The following BICRA variants were observed in gnomAD, a reference collection of about 807,000 sequenced individuals.
The protein encoded by BICRA is BRD4 interacting chromatin remodeling complex associated protein.
A neutral mutation model predicts 96.9 loss-of-function variants in BICRA; 31 were observed. The observed-to-expected ratio is 0.32, with a 90% CI of 0.24 to 0.43. The LOEUF (loss-of-function observed/expected upper bound fraction) is 0.43, where lower values mean the gene tolerates loss of function less well. Ranked by LOEUF, BICRA falls within the 20% of genes least tolerant of loss-of-function variation. The pLI is 1.00. For synonymous variants in BICRA, 1,350 were observed against 1,071.8 expected, an observed-to-expected ratio of 1.26 and a Z score of -5.07; for missense variants, 2,283 against 2,190.3, an observed-to-expected ratio of 1.04 and a Z score of -0.84.
intron 1 of BICRA, among the ~76,000 whole-genome samples, chr19:47,647,898 G>A (rs997972053): frequency 2.8e-4 from 42 of 151,224 alleles, no homozygotes; most frequent in Admixed American, 2.3e-3. Flanking sequence ...TTCGCGGGGG[G>A]AGTGGGGGGC....
At chr19:47,660,745 T>G (rs1312227352) in intron 1 of BICRA, among the ~76,000 whole-genome samples, 2 of 152,152 alleles carry the variant, frequency 1.3e-5, no homozygotes, top group Non-Finnish European at 2.9e-5. Context: ...CAGGCTGGCA[T>G]CATCATGTAG....
chr19:47,614,691 C>CT (rs1380910701), intron 1 of BICRA, among the ~76,000 whole-genome samples: 3 of 152,294 alleles, frequency 2.0e-5, no homozygotes, highest in Admixed American at 6.5e-5. Flanking sequence ...CTATGCATTG[C>CT]TTTTTTTCCA....
chr19:47,702,363 A>T lies in BICRA; in HGVS notation c.4631A>T (p.Tyr1544Phe). The change falls in exon 15 of 15, where the codon TAC becomes TTC. Residue 1544 changes from tyrosine (Y) to phenylalanine (F), a missense_variant. Transcript: ENST00000594866. ...CCGCCCCTGCACAGGCCCGAGGCCT[A>T]CCCACCCTCCAGTCACAACGGTGGC... ...SPPPLHRPEA[Y>F]PPSSHNGGLG... 7.8e-6 allele frequency: 12 copies of T among 1,530,062 alleles called. No individual in the cohort carries two copies. The highest frequency in any genetic ancestry group is 1.0e-5 in the Non-Finnish European group (12 of 1,149,616). 94.8% of individuals were successfully genotyped at this position (1,530,062 alleles called of 1,614,324 possible).
In BICRA at chr19:47,694,236, G is replaced by A; in HGVS notation, c.2405G>A (p.Arg802His). 9 of 586,520 alleles carry A rather than the reference G, an allele frequency of 1.5e-5. No individual in the cohort carries two copies. The highest frequency in any genetic ancestry group is 8.7e-5 in the South Asian group (2 of 23,070). 36.3% of individuals were successfully genotyped at this position (586,520 alleles called of 1,614,324 possible). Residue 802 changes from arginine to histidine, a missense_variant, in exon 8 of 15, where the codon CGC becomes CAC. Physicochemically the swap from Arg to His is conservative, Grantham distance 29. Coordinates refer to ENST00000594866, the MANE Select transcript of BICRA (RefSeq NM_001394372.1). ...PSPHPTRPPSRPPSRPQSVSR... is the reference protein window; with the variant it reads ...PSPHPTRPPSHPPSRPQSVSR... ...CCACACCCCACCCGGCCCCCTTCCCGCCCACCCTCCCGGCCACAGAGTGTG... is the reference window on the plus strand; with the variant it reads ...CCACACCCCACCCGGCCCCCTTCCCACCCACCCTCCCGGCCACAGAGTGTG...
At chr19:47,662,394 G>T (rs1043749069) in intron 1 of BICRA, 5 of 152,420 alleles carry the variant, frequency 3.3e-5, no homozygotes, top group African/African-American at 1.2e-4. Flanking sequence ...ACACACCATC[G>T]GCCAGGCTCC....
At chr19:47,674,306 C>CA in intron 4 of BICRA, among the ~76,000 whole-genome samples, 1 of 86,844 alleles carries the variant, frequency 1.2e-5, no homozygotes, top group Admixed American at 1.3e-4. Flanking sequence ...AGGTAAAAGT[C>CA]ACCAGGTTGT....
chr19:47,695,849 G>A (rs779097215), intron 10 of BICRA, among the ~76,000 whole-genome samples: 2 of 152,114 alleles, frequency 1.3e-5, no homozygotes, highest in Non-Finnish European at 2.9e-5. Flanking sequence ...GACCGGAGAC[G>A]GAGCAGATCA....
Position 47,698,747 on chromosome 19 carries a change from A to G in BICRA, c.3362A>G (p.Gln1121Arg). The change falls in exon 12 of 15, where the codon CAG becomes CGG. Residue 1121 changes from glutamine (Q) to arginine (R), a missense_variant. By Grantham distance (43) the Gln-to-Arg change is conservative. Coordinates refer to ENST00000594866, the MANE Select transcript of BICRA (RefSeq NM_001394372.1). This position sits in a 1 kb window ranked among gnomAD's most constrained non-coding sequence, Gnocchi z 4.8. ...LHRLLPYHVY[Q>R]GALPSPSDYH... Reference sequence around the variant, plus strand: ...CGCCTCCTGCCCTACCATGTCTACCAGGGCGCCCTCCCCTCCCCCAGTGAC... The same window carrying G: ...CGCCTCCTGCCCTACCATGTCTACCGGGGCGCCCTCCCCTCCCCCAGTGAC... 3.1e-6 allele frequency: 5 copies of G among 1,610,840 alleles called. No homozygotes were observed. Among genetic ancestry groups the G allele is most frequent in the Non-Finnish European group, 4.2e-6 (5 of 1,178,034 alleles).
chr19:47,640,427 G>T (rs10415037), intron 1 of BICRA, among the ~76,000 whole-genome samples: 51,459 of 151,582 alleles, frequency 0.34, 9,159 homozygotes, highest in East Asian at 0.59. Context: ...CTACTCGGGA[G>T]GCTGAGGCAG....
At chr19:47,685,790 C>CGCGCGCGCGCGCGCAT (rs1350740825) in intron 7 of BICRA, among the ~76,000 whole-genome samples, 1 of 88,692 alleles carries the variant, frequency 1.1e-5, no homozygotes, top group East Asian at 3.8e-4. Context: ...TGTGTGTGCG[C>CGCGCGCGCGCGCGCAT]GCGCGCGCGC....
At chr19:47,685,741 C>CTGTGTGTG (rs3074109) in intron 7 of BICRA, among the ~76,000 whole-genome samples, 1,826 of 115,422 alleles carry the variant, frequency 0.016, 19 homozygotes, top group African/African-American at 0.018. Context: ...TTGGCAGCCT[C>CTGTGTGTG]TGTGTGTGTG....
In BICRA at chr19:47,631,127, C is replaced by G. The variant is rs148498716; in HGVS notation, c.-108+21959C>G. On this transcript the variant is annotated intron_variant, in intron 1 of 14. Transcript: ENST00000594866. ...CCATTCTGGAGTGCAGTCATCAAGG[C>G]TTACTGTAACGTTGAACTCCTGGGT... Among the ~76,000 whole-genome samples the G allele has an allele frequency of 1.3e-3, 204 of 152,272 alleles. 2 individuals are homozygous for G. The East Asian group carries it at 0.032, about 24-fold the overall frequency.
intron 2 of BICRA, among the ~76,000 whole-genome samples, chr19:47,671,333 T>C (rs1167569550): frequency 6.6e-6 from 1 of 152,052 alleles, no homozygotes; most frequent in Non-Finnish European, 1.5e-5. Flanking sequence ...TGTAAGATTT[T>C]ATATGTGGGG....
At chr19:47,619,233 C>T (rs1280154151) in intron 1 of BICRA, among the ~76,000 whole-genome samples, 3 of 136,410 alleles carry the variant, frequency 2.2e-5, no homozygotes, top group Admixed American at 1.5e-4. Flanking sequence ...TTCCCAACCC[C>T]TTTTTTTTTT....
At chr19:47,672,881 G>A (rs1348694541) in intron 2 of BICRA, among the ~76,000 whole-genome samples, 1 of 151,942 alleles carries the variant, frequency 6.6e-6, no homozygotes, top group Non-Finnish European at 1.5e-5. Flanking sequence ...GCCTTGCCCC[G>A]GTGGCTTCTC....
intron 3 of BICRA, 41 bp from the exon 4 acceptor site, chr19:47,673,679 A>G: frequency 1.9e-6 from 2 of 1,079,030 alleles, no homozygotes; most frequent in South Asian, 1.3e-5. Context: ...TCCCCTCCCC[A>G]GCTCCTTACC....
Position 47,702,226 on chromosome 19 carries a change from C to A in BICRA, c.4494C>A (p.Thr1498=). 15 of 1,599,174 alleles carry A rather than the reference C, an allele frequency of 9.4e-6. No homozygotes were observed. Among genetic ancestry groups the A allele is most frequent in the African/African-American group, 1.3e-5 (1 of 74,436 alleles). The change falls in exon 15 of 15, where the codon ACC becomes ACA. Residue 1498 remains threonine (T), a synonymous_variant. Transcript: ENST00000594866. ...SSDSPQDDTL[T]EHLQSAIDSI... ...ACAGCCCGCAGGATGACACGCTCAC[C>A]GAGCACCTGCAGAGCGCCATCGACA...
At chr19:47,634,164 G>A (rs1416413024) in intron 1 of BICRA, among the ~76,000 whole-genome samples, 1 of 152,234 alleles carries the variant, frequency 6.6e-6, no homozygotes, top group Non-Finnish European at 1.5e-5. Context: ...ATGAGCAGTG[G>A]CGTCAGGCCT....
intron 1 of BICRA, among the ~76,000 whole-genome samples, chr19:47,621,595 T>C (rs1972065575): frequency 6.7e-6 from 1 of 150,216 alleles, no homozygotes; most frequent in Non-Finnish European, 1.5e-5. Context: ...TGCCTCAGCC[T>C]CCTGAGTAGC....
Sources: gnomAD v4.1 joint callset for allele counts (sites outside exome capture counted in the v4.1 genomes callset) on GRCh38, gnomAD v4.1.1 for gene constraint, Gnocchi (gnomAD v3.1) non-coding constraint, MANE v1.5 for transcripts, NCBI Gene and HGNC (gene_info 2026-07-23, HGNC 2026-07-21) for gene names.